Variants in CSMD1 observed in about 807,000 individuals in gnomAD.
CSMD1 encodes the protein CUB and Sushi multiple domains 1, also known as CUB and sushi domain-containing protein 1.
Under a neutral mutation model 417.5 loss-of-function variants are expected in CSMD1, and 213 were observed. The observed-to-expected ratio is 0.51, with a 90% CI of 0.46 to 0.57. CSMD1 has a LOEUF of 0.57. CSMD1 is among the 20% of genes least tolerant of loss of function. The pLI is 0.00. For synonymous variants in CSMD1, 2,862 were observed against 1,736.8 expected, an observed-to-expected ratio of 1.65 and a Z score of -16.11; for missense variants, 6,923 against 4,529.7, an observed-to-expected ratio of 1.53 and a Z score of -15.17.
intron 1 of CSMD1, among the ~76,000 whole-genome samples, chr8:4,664,490 G>C (rs1298754358): frequency 6.6e-6 from 1 of 152,138 alleles, no homozygotes; most frequent in Non-Finnish European, 1.5e-5. Context: ...ACCCTGGGGA[G>C]TTCAAGGCTG....
intron 6 of CSMD1, among the ~76,000 whole-genome samples, chr8:3,723,709 C>T (rs1175887054): frequency 1.3e-5 from 2 of 152,000 alleles, no homozygotes; most frequent in Admixed American, 6.6e-5. Flanking sequence ...AACACGTGTG[C>T]TTTTTTACTT....
intron 7 of CSMD1, among the ~76,000 whole-genome samples, chr8:3,704,305 G>A (rs1224814851): frequency 6.6e-6 from 1 of 152,134 alleles, no homozygotes; most frequent in African/African-American, 2.4e-5. Context: ...TGTTCTTTGC[G>A]TGATTAGCGA....
chr8:3,151,570 T>G, intron 39 of CSMD1, 57 bp from the exon 40 acceptor site: 1 of 1,060,434 alleles, frequency 9.4e-7, no homozygotes, highest in Non-Finnish European at 1.4e-6. Flanking sequence ...CTGGAATCTT[T>G]GCTCCAACCT....
intron 7 of CSMD1, among the ~76,000 whole-genome samples, chr8:3,681,425 A>T (rs982881948): frequency 1.3e-5 from 2 of 152,182 alleles, no homozygotes; most frequent in Non-Finnish European, 2.9e-5. Flanking sequence ...ATCATGAGTG[A>T]ACTCCCATTG....
At chr8:3,966,732 G>GACAC (rs34929035) in intron 5 of CSMD1, among the ~76,000 whole-genome samples, 224 of 149,132 alleles carry the variant, frequency 1.5e-3, no homozygotes, top group African/African-American at 4.7e-3. Flanking sequence ...CACACACACA[G>GACAC]ACACACACAC....
chr8:3,151,364 G>C (rs772145101), intron 40 of CSMD1, 33 bp downstream of exon 40: 1 of 1,375,896 alleles, frequency 7.3e-7, no homozygotes, highest in Non-Finnish European at 1.0e-6. Context: ...TGAAAAAAAT[G>C]AACTTTTAGG....
intron 5 of CSMD1, among the ~76,000 whole-genome samples, chr8:3,783,400 G>A (rs989379397): frequency 5.9e-5 from 9 of 152,224 alleles, no homozygotes; most frequent in African/African-American, 1.9e-4. Flanking sequence ...GTGACCCACG[G>A]CTGGCACAGT....
chr8:3,351,676 A>G (rs1808434158), intron 21 of CSMD1, among the ~76,000 whole-genome samples: 1 of 149,224 alleles, frequency 6.7e-6, no homozygotes, highest in Non-Finnish European at 1.5e-5. Context: ...ATTTTAATAC[A>G]TATACATTAA....
intron 2 of CSMD1, among the ~76,000 whole-genome samples, chr8:4,455,933 A>AAAAAAAAAAAC: frequency 9.2e-6 from 1 of 108,746 alleles, no homozygotes; most frequent in Non-Finnish European, 1.8e-5. Context: ...CAACTCCAAA[A>AAAAAAAAAAAC]AAAAAAAAAA....
chr8:3,702,645 A>C (rs1800934567), intron 7 of CSMD1, among the ~76,000 whole-genome samples: 2 of 152,216 alleles, frequency 1.3e-5, no homozygotes, highest in Admixed American at 6.5e-5. Flanking sequence ...AGCTTTTCCA[A>C]CATGGTGAAA....
At chr8:4,806,810 G>C (rs1036838780) in intron 1 of CSMD1, among the ~76,000 whole-genome samples, 1 of 152,102 alleles carries the variant, frequency 6.6e-6, no homozygotes, top group African/African-American at 2.4e-5. Flanking sequence ...CTCATGCTAT[G>C]AATTTGAGGG....
At chr8:4,400,375 TTATA>T in intron 3 of CSMD1, among the ~76,000 whole-genome samples, 1 of 152,356 alleles carries the variant, frequency 6.6e-6, no homozygotes, top group Non-Finnish European at 1.5e-5. Flanking sequence ...TGCTTTTCAT[TTATA>T]TATCCATCCT....
At chr8:4,217,990 A>G (rs1800784618) in intron 3 of CSMD1, among the ~76,000 whole-genome samples, 1 of 152,214 alleles carries the variant, frequency 6.6e-6, no homozygotes, top group Non-Finnish European at 1.5e-5. Flanking sequence ...ACAGTGAAGA[A>G]GAAATATCCA....
At chr8:4,185,894 T>C (rs1462773877) in intron 3 of CSMD1, among the ~76,000 whole-genome samples, 3 of 152,212 alleles carry the variant, frequency 2.0e-5, no homozygotes, top group African/African-American at 7.2e-5. Flanking sequence ...ACGGCTTTCC[T>C]GTTTGTAAAC....
intron 2 of CSMD1, among the ~76,000 whole-genome samples, chr8:4,585,389 G>A (rs1314120295): frequency 6.6e-6 from 1 of 151,960 alleles, no homozygotes; most frequent in African/African-American, 2.4e-5. Flanking sequence ...TTTGAAAGAG[G>A]GATAACGAAA....
intron 6 of CSMD1, among the ~76,000 whole-genome samples, chr8:3,753,062 T>C (rs1797441923): frequency 6.6e-6 from 1 of 152,196 alleles, no homozygotes; most frequent in Non-Finnish European, 1.5e-5. Flanking sequence ...TCCTGCAGCA[T>C]GGAGGATGCT....
intron 1 of CSMD1, among the ~76,000 whole-genome samples, chr8:4,851,882 C>G (rs1001918281): frequency 6.6e-6 from 1 of 152,214 alleles, no homozygotes; most frequent in South Asian, 2.1e-4. Flanking sequence ...TTTCTCACAC[C>G]CCATAGAGAA....
chr8:3,797,657 A>C (rs1335302324), intron 5 of CSMD1, among the ~76,000 whole-genome samples: 3 of 152,000 alleles, frequency 2.0e-5, no homozygotes, highest in Non-Finnish European at 2.9e-5. Flanking sequence ...GTTATAATTT[A>C]TCTCTCCAAT....
chr8:3,357,296 G>A (rs971778840), intron 21 of CSMD1, among the ~76,000 whole-genome samples: 1 of 152,186 alleles, frequency 6.6e-6, no homozygotes, highest in Non-Finnish European at 1.5e-5. Flanking sequence ...CCCTGGGTTC[G>A]AGTCTTCCTA....
Sources: allele counts gnomAD v4.1 joint callset (sites outside exome capture counted in the v4.1 genomes callset), GRCh38; gene constraint gnomAD v4.1.1; transcripts MANE v1.5; gene names NCBI Gene and HGNC (gene_info 2026-07-23, HGNC 2026-07-21).